The following CREBL2 variants were observed in gnomAD, a reference collection of about 807,000 sequenced individuals.
The protein encoded by CREBL2 is cAMP-responsive element-binding protein-like 2.
A neutral mutation model predicts 19.5 loss-of-function variants in CREBL2; 4 were observed. That is an observed-to-expected ratio of 0.20 (90% CI 0.10 to 0.47). CREBL2 has a LOEUF of 0.47. Among genes scored for constraint, CREBL2 ranks in the 20% least tolerant of loss-of-function variants. The pLI is 0.98. For missense variants in CREBL2, 85 were observed against 145.1 expected, an observed-to-expected ratio of 0.59 and a Z score of 2.13; for synonymous variants, 42 against 46.6, an observed-to-expected ratio of 0.90 and a Z score of 0.40.
In CREBL2 at chr12:12,642,612, G is replaced by A. The variant is rs1350411052; in HGVS notation, c.*614G>A. On this transcript the variant is annotated 3_prime_UTR_variant, in exon 4 of 4. Coordinates refer to ENST00000228865, the MANE Select transcript of CREBL2 (RefSeq NM_001310.4). ...CTATTTTTATAATCCATAAGGATAT[G>A]CCTGTTTTAAATAACATACATATTA... is the stretch of plus-strand genomic sequence containing the variant. 1 of 152,364 alleles carries A rather than the reference G, an allele frequency of 6.6e-6. No homozygotes were observed. Among genetic ancestry groups the A allele is most frequent in the Non-Finnish European group, 1.5e-5 (1 of 68,040 alleles). 9.4% of individuals were successfully genotyped at this position (152,364 alleles called of 1,614,324 possible).
intron 1 of CREBL2, among the ~76,000 whole-genome samples, chr12:12,618,359 C>T (rs117238070): frequency 0.32 from 49,074 of 151,074 alleles, 8,206 homozygotes; most frequent in East Asian, 0.41. Context: ...GACGGGGTGG[C>T]GGTGGGGCAG....
At chr12:12,612,774 C>T (rs926942191) in intron 1 of CREBL2, among the ~76,000 whole-genome samples, 1 of 152,170 alleles carries the variant, frequency 6.6e-6, no homozygotes, top group African/African-American at 2.4e-5. Flanking sequence ...CATCACCATC[C>T]AATTTCCCTG....
At chr12:12,641,247 A>ATTTTTTTTTTTTTTTTTTTTT (rs1380373401) in intron 3 of CREBL2, among the ~76,000 whole-genome samples, 2 of 22,066 alleles carry the variant, frequency 9.1e-5, no homozygotes, top group Non-Finnish European at 1.3e-4. Context: ...TATTATTATT[A>ATTTTTTTTTTTTTTTTTTTTT]TTATTATTTT....
intron 3 of CREBL2, among the ~76,000 whole-genome samples, chr12:12,640,148 T>A (rs1945506672): frequency 6.6e-6 from 1 of 152,042 alleles, no homozygotes; most frequent in Non-Finnish European, 1.5e-5. Flanking sequence ...GACCACAAAT[T>A]TACCAGGGCA....
At chr12:12,622,268 A>G (rs1276511616) in intron 1 of CREBL2, among the ~76,000 whole-genome samples, 2 of 152,216 alleles carry the variant, frequency 1.3e-5, no homozygotes, top group African/African-American at 2.4e-5. Context: ...GCCTGGACTG[A>G]AGACCATATT....
chr12:12,612,541 A>G (rs1186696808), intron 1 of CREBL2, among the ~76,000 whole-genome samples: 1 of 152,114 alleles, frequency 6.6e-6, no homozygotes, highest in East Asian at 1.9e-4. Flanking sequence ...ACTTTAGTGC[A>G]CGCTGAACCA....
In CREBL2 at chr12:12,622,891, C is replaced by A. The variant is rs142039162; in HGVS notation, c.15+10704C>A. Among the ~76,000 whole-genome samples the A allele has an allele frequency of 2.5e-3, 379 of 152,252 alleles. 5 individuals are homozygous for A. The highest frequency in any genetic ancestry group is 0.014 in the Middle Eastern group (4 of 294). ...TTTTAAGAGAAAGACAAAACAAGCC[C>A]TCCTGTTTTCCTTTTTGGCTGAGGC... On this transcript the variant is annotated intron_variant, in intron 1 of 3. Transcript: ENST00000228865.
intron 1 of CREBL2, among the ~76,000 whole-genome samples, chr12:12,629,980 ATCT>A (rs1425831989): frequency 9.2e-5 from 14 of 152,084 alleles, no homozygotes; most frequent in Non-Finnish European, 2.1e-4. Flanking sequence ...ATGGTGTATA[ATCT>A]TCTTTGTTGC....
chr12:12,641,259 T>A (rs55666707), intron 3 of CREBL2, among the ~76,000 whole-genome samples: 13,693 of 97,042 alleles, frequency 0.14, 1,091 homozygotes, highest in South Asian at 0.21. Context: ...TATTATTTTT[T>A]TTTATTTTTT....
chr12:12,617,249 G>A (rs563159164), intron 1 of CREBL2, among the ~76,000 whole-genome samples: 2 of 152,168 alleles, frequency 1.3e-5, no homozygotes, highest in Non-Finnish European at 2.9e-5. Context: ...ATTAATCAGT[G>A]TGCTCCAGCT....
intron 3 of CREBL2, among the ~76,000 whole-genome samples, chr12:12,641,253 A>ATTATTTTTTTTTTTTT (rs1478394376): frequency 2.6e-5 from 2 of 78,262 alleles, no homozygotes; most frequent in Non-Finnish European, 5.0e-5. Flanking sequence ...TATTATTATT[A>ATTATTTTTTTTTTTTT]TTTTTTTTTA....
At chr12:12,613,880 T>C (rs530956939) in intron 1 of CREBL2, among the ~76,000 whole-genome samples, 54 of 151,272 alleles carry the variant, frequency 3.6e-4, no homozygotes, top group African/African-American at 1.3e-3. Context: ...GACAGAAGGG[T>C]AGCGTTCTAA....
Position 12,642,179 on chromosome 12 carries a change from C to T in CREBL2, c.*181C>T. ...TCTCAAAGGATCTTGCTTTAACTTT[C>T]AACACTTAGAAAATCTACAAACATT... On this transcript the variant is annotated 3_prime_UTR_variant, in exon 4 of 4. Transcript: ENST00000228865. 4.7e-6 allele frequency: 2 copies of T among 425,922 alleles called. No individual in the cohort carries two copies. Among genetic ancestry groups the T allele is most frequent in the Admixed American group, 4.4e-5 (1 of 22,766 alleles). 26.4% of individuals were successfully genotyped at this position (425,922 alleles called of 1,614,324 possible). A position where few individuals can be genotyped will look rare whatever the true frequency, so the allele number is the denominator to read the frequency against.
rs1945527970 is a variant in CREBL2 at position 12,642,162 on chromosome 12, G to A, written c.*164G>A. The A allele has an allele frequency of 2.2e-6, 1 of 446,876 alleles. No individual in the cohort carries two copies. Among genetic ancestry groups the A allele is most frequent in the East Asian group, 3.5e-5 (1 of 28,450 alleles). The allele number at this position is 446,876 out of a possible 1,614,324, so 27.7% of individuals were successfully genotyped here. On this transcript the variant is annotated 3_prime_UTR_variant, in exon 4 of 4. Coordinates refer to ENST00000228865, the MANE Select transcript of CREBL2 (RefSeq NM_001310.4). ...AAATGTGTGATCGTAGATCTCAAAG[G>A]ATCTTGCTTTAACTTTCAACACTTA... is the stretch of plus-strand genomic sequence containing the variant.
At chr12:12,641,314 A>G (rs1326747181) in intron 3 of CREBL2, among the ~76,000 whole-genome samples, 2 of 86,328 alleles carry the variant, frequency 2.3e-5, no homozygotes, top group Admixed American at 2.5e-4. Context: ...ATGTTTCAAT[A>G]TTTTTTTTTT....
In CREBL2 at chr12:12,642,100, C is replaced by T; in HGVS notation, c.*102C>T. On this transcript the variant is annotated 3_prime_UTR_variant, in exon 4 of 4. Transcript: ENST00000228865. ...TCTTGGCTCCATTTACTACCTACTG[C>T]TCAGTAGTCATCTCTGTAAATCTGC... is the stretch of plus-strand genomic sequence containing the variant. The T allele has an allele frequency of 1.3e-6, 1 of 776,052 alleles. No individual in the cohort carries two copies. The highest frequency in any genetic ancestry group is 2.8e-5 in the Admixed American group (1 of 35,558). The allele number at this position is 776,052 out of a possible 1,614,324, so 48.1% of individuals were successfully genotyped here. A position where few individuals can be genotyped will look rare whatever the true frequency, so the allele number is the denominator to read the frequency against.
intron 1 of CREBL2, among the ~76,000 whole-genome samples, chr12:12,627,349 G>A (rs1186376474): frequency 1.3e-5 from 2 of 151,964 alleles, no homozygotes; most frequent in African/African-American, 4.8e-5. Flanking sequence ...AAAAAATAAA[G>A]TCTATTGATT....
Position 12,612,197 on chromosome 12 carries a change from G to T in CREBL2, c.15+10G>T, listed in dbSNP as rs769478752. ...GATGGATGACAGTAAGGTAAGTCTT[G>T]TGGTTTGCACGCGCCGCCGCCTTCT... On this transcript the variant is annotated intron_variant, in intron 1 of 3. Transcript: ENST00000228865. 5 of 1,613,576 alleles carry T rather than the reference G, an allele frequency of 3.1e-6. No individual in the cohort carries two copies. The East Asian group carries it at 1.1e-4, about 36-fold the overall frequency.
rs192277104 is a variant in CREBL2 at position 12,640,966 on chromosome 12, T to C, written c.359-1028T>C. ...GACTCCATTGCCAAATGCACAGTTA[T>C]GAAGATTTACCTGCCTCATGTTTTC... On this transcript the variant is annotated intron_variant, in intron 3 of 3. Coordinates refer to ENST00000228865, the MANE Select transcript of CREBL2 (RefSeq NM_001310.4). Among the ~76,000 whole-genome samples the C allele has an allele frequency of 1.4e-4, 22 of 152,260 alleles. No individual in the cohort carries two copies. In the East Asian group the frequency reaches 3.9e-3, roughly 27 times the overall value.
Sources: gnomAD v4.1 joint callset for allele counts (sites outside exome capture counted in the v4.1 genomes callset) on GRCh38, gnomAD v4.1.1 for gene constraint, MANE v1.5 for transcripts, NCBI Gene and HGNC (gene_info 2026-07-23, HGNC 2026-07-21) for gene names.